The following PCSK6 variants were observed in gnomAD, a reference collection of about 807,000 sequenced individuals.
The protein encoded by PCSK6 is proprotein convertase subtilisin/kexin type 6, also known as paired basic amino acid cleaving enzyme 4.
A neutral mutation model predicts 123.3 loss-of-function variants in PCSK6; 85 were observed. The observed-to-expected ratio is 0.69, with a 90% CI of 0.58 to 0.83. The LOEUF (loss-of-function observed/expected upper bound fraction) is 0.83. Among genes scored for constraint, PCSK6 ranks in the 40% least tolerant of loss-of-function variants. PCSK6 has a pLI of 0.00. For synonymous variants in PCSK6, 508 were observed against 516.0 expected (o/e 0.98, Z 0.21); for missense variants, 1,191 against 1,282.3 (o/e 0.93, Z 1.09).
At chr15:101,448,137 A>G (rs2056941121) in intron 1 of PCSK6, among the ~76,000 whole-genome samples, 1 of 152,270 alleles carries the variant, frequency 6.6e-6, no homozygotes, top group Non-Finnish European at 1.5e-5. Flanking sequence ...TGAATTAATT[A>G]GAGCCCGTCT....
chr15:101,464,606 C>A (rs1267126813), intron 1 of PCSK6, among the ~76,000 whole-genome samples: 1 of 152,072 alleles, frequency 6.6e-6, no homozygotes, highest in African/African-American at 2.4e-5. Flanking sequence ...TGGTGGGGTC[C>A]AAGGATTTTC....
chr15:101,357,404 T>C (rs891821995), intron 13 of PCSK6, among the ~76,000 whole-genome samples: 3 of 152,232 alleles, frequency 2.0e-5, no homozygotes, highest in African/African-American at 7.2e-5. Context: ...TGCATTTTCC[T>C]GGCTGACCAG....
Position 101,398,940 on chromosome 15 carries a change from T to C in PCSK6, c.824-364A>G, listed in dbSNP as rs2141577023. Among the ~76,000 whole-genome samples, 1 of 152,240 alleles carries C rather than the reference T, an allele frequency of 6.6e-6. No individual in the cohort carries two copies. Among genetic ancestry groups the C allele is most frequent in the Non-Finnish European group, 1.5e-5 (1 of 68,030 alleles). On this transcript the variant is annotated intron_variant, in intron 6 of 21. Transcript: ENST00000611716. This position sits in a 1 kb window ranked among gnomAD's most constrained non-coding sequence, Gnocchi z 4.6. ...TATTTTGAGACAGAGTCTCACTCTG[T>C]CACCCAGGCTGGAGGGCAGTGGTGC... is the stretch of plus-strand genomic sequence containing the variant.
At chr15:101,321,094 C>T (rs180675750) in intron 18 of PCSK6, among the ~76,000 whole-genome samples, 37 of 152,332 alleles carry the variant, frequency 2.4e-4, no homozygotes, top group Admixed American at 7.8e-4. Flanking sequence ...CTGATGCCCC[C>T]AGCTACCAGC....
intron 12 of PCSK6, among the ~76,000 whole-genome samples, 192 bp from the exon 13 acceptor site, chr15:101,366,524 C>T (rs1201675621): frequency 6.6e-6 from 1 of 152,170 alleles, no homozygotes; most frequent in Non-Finnish European, 1.5e-5. Context: ...TAAGCTCTTA[C>T]ACAGACTCTC....
chr15:101,331,717 T>C, intron 14 of PCSK6, 28 bp from the exon 15 acceptor site: 1 of 1,578,340 alleles, frequency 6.3e-7, no homozygotes, highest in Non-Finnish European at 8.6e-7. Context: ...GCCATGATTA[T>C]TATGACTCCC....
At chr15:101,396,403 C>T (rs1247252430) in intron 7 of PCSK6, among the ~76,000 whole-genome samples, 3 of 152,136 alleles carry the variant, frequency 2.0e-5, no homozygotes, top group Admixed American at 2.0e-4. Flanking sequence ...GTGCCTCATC[C>T]TAGGAGCTCC....
chr15:101,465,525 T>C (rs1008706141), intron 1 of PCSK6, among the ~76,000 whole-genome samples: 1 of 152,082 alleles, frequency 6.6e-6, no homozygotes, highest in Non-Finnish European at 1.5e-5. Flanking sequence ...GCTGGCGGGA[T>C]GAGGGCTATT....
intron 19 of PCSK6, among the ~76,000 whole-genome samples, chr15:101,316,823 G>C (rs1478004758): frequency 2.0e-5 from 3 of 152,160 alleles, no homozygotes; most frequent in African/African-American, 7.2e-5. Flanking sequence ...GCTCATGGCC[G>C]GCCACGTGGG....
intron 7 of PCSK6, among the ~76,000 whole-genome samples, chr15:101,397,298 G>A (rs759390611): frequency 7.9e-5 from 12 of 152,040 alleles, no homozygotes; most frequent in African/African-American, 1.4e-4. Flanking sequence ...TTCCTCCTCC[G>A]TGGGGCAGGA....
chr15:101,307,281 C>T lies in PCSK6; in HGVS notation c.2744G>A (p.Cys915Tyr). ...TGTGAAGCCCGTCTTACACCTGCTACAGTTCCTGCTGGAGCCTGCACAGCT... is the reference window on the plus strand; with the variant it reads ...TGTGAAGCCCGTCTTACACCTGCTATAGTTCCTGCTGGAGCCTGCACAGCT... ...CLSCAGSSRN[C>Y]SRCKTGFTQL... The change falls in exon 21 of 22, where the codon TGT becomes TAT. Residue 915 changes from cysteine (C) to tyrosine (Y), a missense_variant. Around this residue, in one of 3 missense-constraint regions of PCSK6, gnomAD observed 630 missense variants for 631.4 expected, o/e 1.00. Coordinates refer to ENST00000611716, the MANE Select transcript of PCSK6 (RefSeq NM_002570.5). 1 of 1,613,788 alleles carries T rather than the reference C, an allele frequency of 6.2e-7. No individual in the cohort carries two copies. Among genetic ancestry groups the T allele is most frequent in the Non-Finnish European group, 8.5e-7 (1 of 1,179,816 alleles).
rs541274836 is a variant in PCSK6 at position 101,305,078 on chromosome 15, G to T, written c.*180C>A. 31 of 585,166 alleles carry T rather than the reference G, an allele frequency of 5.3e-5. No individual in the cohort carries two copies. Among genetic ancestry groups the T allele is most frequent in the African/African-American group, 4.3e-4 (23 of 53,670 alleles). 36.2% of individuals were successfully genotyped at this position (585,166 alleles called of 1,614,324 possible). On this transcript the variant is annotated 3_prime_UTR_variant, in exon 22 of 22. Coordinates refer to ENST00000611716, the MANE Select transcript of PCSK6 (RefSeq NM_002570.5). This position sits in a 1 kb window ranked among gnomAD's most constrained non-coding sequence, Gnocchi z 4.8. ...ATTTGAGAGGATATCACCATTTTAG[G>T]AACACCTCCTTAAGAGCCACCACCC...
At chr15:101,488,479 G>A (rs752752490) in intron 1 of PCSK6, among the ~76,000 whole-genome samples, 2 of 152,208 alleles carry the variant, frequency 1.3e-5, no homozygotes, top group Admixed American at 6.5e-5. Flanking sequence ...ACAGAAGAGG[G>A]GACAGCCGAG....
intron 13 of PCSK6, chr15:101,347,598 C>A: frequency 6.7e-7 from 1 of 1,491,020 alleles, no homozygotes; most frequent in Non-Finnish European, 9.0e-7. Context: ...GTTTGTGAGC[C>A]ATGTCCAAAG....
intron 13 of PCSK6, chr15:101,334,473 G>T (rs1199603261): frequency 6.6e-6 from 1 of 151,874 alleles, no homozygotes; most frequent in Non-Finnish European, 1.5e-5. Flanking sequence ...CAGTGACACA[G>T]GAAGTTGTTC....
intron 6 of PCSK6, among the ~76,000 whole-genome samples, chr15:101,411,938 C>T (rs1161453864): frequency 6.6e-6 from 1 of 152,234 alleles, no homozygotes; most frequent in Non-Finnish European, 1.5e-5. Flanking sequence ...AACGTGTCCC[C>T]TCCATCCCCT....
At chr15:101,339,532 TG>T (rs1179761955) in intron 13 of PCSK6, among the ~76,000 whole-genome samples, 12 of 152,194 alleles carry the variant, frequency 7.9e-5, no homozygotes, top group Admixed American at 4.6e-4. Context: ...ATTCACATAC[TG>T]AATACTCCTA....
intron 6 of PCSK6, among the ~76,000 whole-genome samples, chr15:101,413,196 C>T (rs1383178977): frequency 6.6e-6 from 1 of 152,142 alleles, no homozygotes; most frequent in Non-Finnish European, 1.5e-5. Flanking sequence ...ACAACACTGT[C>T]TGATGTGGTT....
chr15:101,417,021 G>A (rs11634884), intron 6 of PCSK6, among the ~76,000 whole-genome samples: 47,451 of 152,028 alleles, frequency 0.31, 8,021 homozygotes, highest in African/African-American at 0.45. Flanking sequence ...GTGAGAAGAG[G>A]GCCACCATCC....
Sources: allele counts gnomAD v4.1 joint callset (sites outside exome capture counted in the v4.1 genomes callset), GRCh38; gene constraint gnomAD v4.1.1; regional missense constraint gnomAD v4.1.1; non-coding constraint Gnocchi (gnomAD v3.1); transcripts MANE v1.5; gene names NCBI Gene and HGNC (gene_info 2026-07-23, HGNC 2026-07-21).